ODAD2: variants seen among roughly 807,000 people sequenced by gnomAD.
The protein encoded by ODAD2 is outer dynein arm-docking complex subunit 2.
Under a neutral mutation model 106.8 loss-of-function variants are expected in ODAD2, and 89 were observed. The observed-to-expected ratio is 0.83, with a 90% CI of 0.70 to 0.99. The LOEUF (loss-of-function observed/expected upper bound fraction) is 0.99, where lower values mean the gene tolerates loss of function less well. ODAD2 is among the 50% of genes least tolerant of loss of function. The probability of loss-of-function intolerance (pLI) is 0.00; values close to 1 mark genes in which losing one functional copy is unlikely to be tolerated. For missense variants in ODAD2, 1,168 were observed against 1,238.5 expected, an observed-to-expected ratio of 0.94 and a Z score of 0.85; for synonymous variants, 404 against 436.2, an observed-to-expected ratio of 0.93 and a Z score of 0.92.
chr10:27,931,314 GGGT>G lies in ODAD2; in HGVS notation c.2495+3693_2495+3695del, dbSNP rs566971137. 2.8e-3 allele frequency among the ~76,000 whole-genome samples: 419 copies of G among 152,184 alleles called. 3 individuals carry two copies. Among genetic ancestry groups the G allele is most frequent in the Admixed American group, 0.022 (330 of 15,282 alleles). ...TGGAGTTGTGGCCATTCCCCTGTTTGGGTGAATATAATTTTTTCTCTACTTTTG... is the reference window on the plus strand; with the variant it reads ...TGGAGTTGTGGCCATTCCCCTGTTTGGAATATAATTTTTTCTCTACTTTTG... On this transcript the variant is annotated intron_variant, in intron 16 of 19. Coordinates refer to ENST00000305242, the MANE Select transcript of ODAD2 (RefSeq NM_018076.5).
chr10:27,899,867 A>G (rs538541699), intron 17 of ODAD2, among the ~76,000 whole-genome samples: 14 of 152,274 alleles, frequency 9.2e-5, no homozygotes, highest in African/African-American at 3.4e-4. Context: ...ACCTGGGGGA[A>G]GGGGTGGCAG....
At chr10:27,950,638 G>A (rs368161858) in intron 10 of ODAD2, among the ~76,000 whole-genome samples, 1 of 152,098 alleles carries the variant, frequency 6.6e-6, no homozygotes, top group Non-Finnish European at 1.5e-5. Flanking sequence ...GCGGGCTGGA[G>A]TGCAACGGTG....
chr10:27,847,237 G>A (rs4749269), intron 19 of ODAD2, among the ~76,000 whole-genome samples: 1 of 151,974 alleles, frequency 6.6e-6, no homozygotes, highest in Non-Finnish European at 1.5e-5. Context: ...GATCAAGTGG[G>A]CTTCATCACT....
chr10:27,877,306 A>G (rs891860158), intron 17 of ODAD2, among the ~76,000 whole-genome samples: 2 of 152,118 alleles, frequency 1.3e-5, no homozygotes, highest in Non-Finnish European at 2.9e-5. Context: ...TACTGGGAAA[A>G]ATGACAAAAG....
chr10:27,874,916 G>C (rs1324740816), intron 17 of ODAD2, among the ~76,000 whole-genome samples: 2 of 152,080 alleles, frequency 1.3e-5, no homozygotes, highest in Non-Finnish European at 2.9e-5. Flanking sequence ...TGCTAGGTTG[G>C]GGAAGTTCTC....
chr10:27,963,904 C>T (rs1223049118), intron 9 of ODAD2, among the ~76,000 whole-genome samples: 2 of 152,118 alleles, frequency 1.3e-5, no homozygotes, highest in African/African-American at 2.4e-5. Flanking sequence ...GTTGTCATTA[C>T]TCTCATTATA....
intron 17 of ODAD2, among the ~76,000 whole-genome samples, chr10:27,890,502 A>G (rs969722127): frequency 1.3e-5 from 2 of 152,182 alleles, no homozygotes; most frequent in South Asian, 2.1e-4. Context: ...AGAATAGGCA[A>G]TGCTTTTCGT....
At chr10:27,944,765 C>A (rs771958359) in intron 11 of ODAD2, 51 bp downstream of exon 11, 4 of 1,609,876 alleles carry the variant, frequency 2.5e-6, no homozygotes, top group South Asian at 2.2e-5. Context: ...AAGAAGAGAG[C>A]CCAGGAAGGT....
At chr10:27,952,436 C>T (rs985143001) in intron 10 of ODAD2, among the ~76,000 whole-genome samples, 4 of 151,410 alleles carry the variant, frequency 2.6e-5, no homozygotes, top group Admixed American at 6.6e-5. Flanking sequence ...ATGTGCAGAA[C>T]GTGCAGGTTT....
chr10:27,874,453 T>C (rs910621798), intron 17 of ODAD2, among the ~76,000 whole-genome samples: 4 of 152,206 alleles, frequency 2.6e-5, no homozygotes, highest in Non-Finnish European at 5.9e-5. Context: ...CTAGCATCGA[T>C]GGTCTTTACA....
chr10:27,934,897 G>C, intron 16 of ODAD2, 113 bp downstream of exon 16: 5 of 1,304,460 alleles, frequency 3.8e-6, no homozygotes, highest in Non-Finnish European at 5.4e-6. Context: ...ATGACACACT[G>C]TATTTTTTCA....
At chr10:27,982,568 T>C (rs1395722879) in intron 6 of ODAD2, among the ~76,000 whole-genome samples, 3 of 152,112 alleles carry the variant, frequency 2.0e-5, no homozygotes, top group Admixed American at 1.3e-4. Context: ...ATGAGCTCAG[T>C]GTCATGCTAA....
chr10:27,866,790 C>T (rs929716530), intron 17 of ODAD2, among the ~76,000 whole-genome samples: 1 of 152,042 alleles, frequency 6.6e-6, no homozygotes, highest in East Asian at 1.9e-4. Flanking sequence ...TCACTCATTA[C>T]AAAGCTGGCA....
chr10:27,872,794 C>T (rs963407305), intron 17 of ODAD2, among the ~76,000 whole-genome samples: 6 of 152,164 alleles, frequency 3.9e-5, no homozygotes, highest in African/African-American at 1.4e-4. Flanking sequence ...CGATGTTCAT[C>T]AGGGATATTG....
chr10:27,901,845 C>T (rs912295944), intron 17 of ODAD2, among the ~76,000 whole-genome samples: 8 of 152,222 alleles, frequency 5.3e-5, no homozygotes, highest in Non-Finnish European at 1.2e-4. Flanking sequence ...GACTTATACT[C>T]CAACATAATA....
intron 19 of ODAD2, among the ~76,000 whole-genome samples, chr10:27,844,752 T>C (rs139201510): frequency 4.8e-4 from 73 of 152,346 alleles, no homozygotes; most frequent in African/African-American, 1.7e-3. Context: ...AAAAACGATA[T>C]GACTTCCATT....
intron 19 of ODAD2, among the ~76,000 whole-genome samples, chr10:27,840,680 A>C (rs970566907): frequency 1.3e-5 from 2 of 152,232 alleles, no homozygotes; most frequent in African/African-American, 4.8e-5. Context: ...AAAGAGAGGA[A>C]GCCAACTGGC....
At chr10:27,816,872 C>A (rs1836174533) in intron 19 of ODAD2, among the ~76,000 whole-genome samples, 1 of 152,158 alleles carries the variant, frequency 6.6e-6, no homozygotes, top group Admixed American at 6.5e-5. Flanking sequence ...GCCTCAGCCT[C>A]CTGAGTAGCT....
At chr10:27,843,890 C>G (rs1400700194) in intron 19 of ODAD2, among the ~76,000 whole-genome samples, 1 of 152,138 alleles carries the variant, frequency 6.6e-6, no homozygotes, top group Non-Finnish European at 1.5e-5. Context: ...ACTTGATATA[C>G]TATAACCACT....
Sources: allele counts gnomAD v4.1 joint callset (sites outside exome capture counted in the v4.1 genomes callset), GRCh38; gene constraint gnomAD v4.1.1; transcripts MANE v1.5; gene names NCBI Gene and HGNC (gene_info 2026-07-23, HGNC 2026-07-21).